The following OCA2 variants were observed in gnomAD, a reference collection of about 807,000 sequenced individuals.
The protein encoded by OCA2 is OCA2 melanosomal transmembrane protein.
In OCA2, 77 loss-of-function variants were observed where a neutral mutation model predicts 100.2. That is an observed-to-expected ratio of 0.77 (90% confidence interval 0.64 to 0.93). OCA2 has a LOEUF of 0.93. Among genes scored for constraint, OCA2 ranks in the 40% least tolerant of loss-of-function variants. OCA2 has a pLI of 0.00. For missense variants in OCA2, 1,062 were observed against 1,089.1 expected, an observed-to-expected ratio of 0.98 and a Z score of 0.35; for synonymous variants, 432 against 439.2, an observed-to-expected ratio of 0.98 and a Z score of 0.21.
chr15:28,088,288 T>A (rs934391368), intron 1 of OCA2, among the ~76,000 whole-genome samples: 1 of 152,256 alleles, frequency 6.6e-6, no homozygotes, highest in African/African-American at 2.4e-5. Context: ...CTCCTTGATG[T>A]GTTTATTAAT....
At chr15:27,937,405 G>T (rs1006773140) in intron 18 of OCA2, among the ~76,000 whole-genome samples, 1 of 152,082 alleles carries the variant, frequency 6.6e-6, no homozygotes, top group African/African-American at 2.4e-5. Flanking sequence ...ACATATTTTT[G>T]TTGGGCATAC....
intron 23 of OCA2, among the ~76,000 whole-genome samples, chr15:27,765,858 T>C (rs1469656301): frequency 6.6e-6 from 1 of 152,234 alleles, no homozygotes; most frequent in Non-Finnish European, 1.5e-5. Context: ...ATCTTGGTTT[T>C]GGTGGGTTTT....
intron 23 of OCA2, among the ~76,000 whole-genome samples, chr15:27,759,787 C>G (rs1255955008): frequency 6.6e-6 from 1 of 152,102 alleles, no homozygotes; most frequent in Non-Finnish European, 1.5e-5. Context: ...TTCTCTCTCT[C>G]TGTAATTCAT....
intron 23 of OCA2, among the ~76,000 whole-genome samples, chr15:27,805,637 C>T (rs952685358): frequency 1.3e-5 from 2 of 152,050 alleles, no homozygotes; most frequent in Non-Finnish European, 2.9e-5. Flanking sequence ...GGGGCTGGAG[C>T]GGGCCGCTGG....
intron 23 of OCA2, among the ~76,000 whole-genome samples, chr15:27,825,596 G>A (rs966797979): frequency 1.3e-5 from 2 of 152,172 alleles, no homozygotes; most frequent in African/African-American, 4.8e-5. Flanking sequence ...ACTTGACCGT[G>A]AGCAGAGTCC....
the OCA2 span, among the ~76,000 whole-genome samples, chr15:27,719,665 G>A: frequency 0.14 from 21,375 of 152,106 alleles, 2,884 homozygotes; most frequent in African/African-American, 0.35. Flanking sequence ...TTACTCAAAC[G>A]GAAACATATC....
intron 18 of OCA2, among the ~76,000 whole-genome samples, chr15:27,932,010 C>T (rs1422019624): frequency 6.6e-6 from 1 of 152,192 alleles, no homozygotes; most frequent in Non-Finnish European, 1.5e-5. Flanking sequence ...GGAATGTAAG[C>T]AAGGCACCAC....
At chr15:27,723,000 C>A in the OCA2 span, among the ~76,000 whole-genome samples, 1 of 151,844 alleles carries the variant, frequency 6.6e-6, no homozygotes, top group Non-Finnish European at 1.5e-5. Context: ...CACCACCATG[C>A]CTGGCTAATT....
chr15:27,814,909 T>C (rs1165145436), intron 23 of OCA2, among the ~76,000 whole-genome samples: 3 of 148,216 alleles, frequency 2.0e-5, no homozygotes, highest in Admixed American at 1.4e-4. Flanking sequence ...GATAGATAGA[T>C]AGATAGATAG....
At position 27,956,193 on chromosome 15, in the gene OCA2, T is replaced by C. The variant is rs140100628; in HGVS notation, c.1785-978A>G. Among the ~76,000 whole-genome samples, 1,289 of 151,896 alleles carry C rather than the reference T, an allele frequency of 8.5e-3. 15 individuals are homozygous for C. Among genetic ancestry groups the C allele is most frequent in the Admixed American group, 0.014 (216 of 15,262 alleles). The stretch of plus-strand genomic sequence containing the variant: ...GGAGAAACCCCGTCTCTACTAAAAA[T>C]ACAAAATTAGCCAGGAGGGTTGGTA... On this transcript the variant is annotated intron_variant, in intron 16 of 23. Transcript: ENST00000354638.
At chr15:27,799,661 C>T (rs2151166784) in intron 23 of OCA2, among the ~76,000 whole-genome samples, 1 of 151,870 alleles carries the variant, frequency 6.6e-6, no homozygotes, top group Admixed American at 6.6e-5. Context: ...AGGAGAATTG[C>T]TTGAACCTGG....
At chr15:27,995,442 G>T (rs2041691478) in intron 9 of OCA2, among the ~76,000 whole-genome samples, 1 of 152,234 alleles carries the variant, frequency 6.6e-6, no homozygotes, top group East Asian at 1.9e-4. Flanking sequence ...ACCCAGGCTG[G>T]AGTGCAGTGG....
the OCA2 span, among the ~76,000 whole-genome samples, chr15:27,748,897 A>G: frequency 3.3e-5 from 5 of 152,214 alleles, no homozygotes; most frequent in African/African-American, 9.6e-5. Flanking sequence ...AGAGTATAGA[A>G]TTAGTGAACT....
intron 23 of OCA2, among the ~76,000 whole-genome samples, chr15:27,828,966 A>G (rs986533052): frequency 6.6e-6 from 1 of 152,216 alleles, no homozygotes; most frequent in African/African-American, 2.4e-5. Flanking sequence ...CTGCTAGCTG[A>G]GCACTGTCCT....
At chr15:27,721,093 A>G in the OCA2 span, among the ~76,000 whole-genome samples, 1 of 152,166 alleles carries the variant, frequency 6.6e-6, no homozygotes, top group Non-Finnish European at 1.5e-5. Flanking sequence ...TAATACTTTA[A>G]ATACTTGTGT....
chr15:27,805,840 G>C (rs541554763), intron 23 of OCA2, among the ~76,000 whole-genome samples: 1 of 152,102 alleles, frequency 6.6e-6, no homozygotes, highest in Admixed American at 6.5e-5. Flanking sequence ...CAGCCAGAGC[G>C]AGACCCTCAC....
At chr15:27,749,649 A>C in the OCA2 span, among the ~76,000 whole-genome samples, 2 of 133,622 alleles carry the variant, frequency 1.5e-5, no homozygotes, top group African/African-American at 2.8e-5. Flanking sequence ...AGGCCATGGT[A>C]TACAGGATCT....
intron 18 of OCA2, among the ~76,000 whole-genome samples, chr15:27,941,319 A>G (rs2039638085): frequency 6.6e-6 from 1 of 152,218 alleles, no homozygotes; most frequent in South Asian, 2.1e-4. Flanking sequence ...AGATACTTTT[A>G]TTCAAATAGA....
At chr15:27,933,997 A>G (rs1364430162) in intron 18 of OCA2, among the ~76,000 whole-genome samples, 1 of 152,194 alleles carries the variant, frequency 6.6e-6, no homozygotes, top group Non-Finnish European at 1.5e-5. Flanking sequence ...ACATATATGT[A>G]TATATCACAT....
Sources: allele counts gnomAD v4.1 joint callset (sites outside exome capture counted in the v4.1 genomes callset), GRCh38; gene constraint gnomAD v4.1.1; transcripts MANE v1.5; gene names NCBI Gene and HGNC (gene_info 2026-07-23, HGNC 2026-07-21).